Variants in NRXN1 observed in about 807,000 individuals in gnomAD.
NRXN1 encodes the protein neurexin-1.
In NRXN1, 39 loss-of-function variants were observed where a neutral mutation model predicts 150.9. The observed-to-expected ratio is 0.26, with a 90% CI of 0.20 to 0.34. NRXN1 has a LOEUF of 0.34. NRXN1 is among the 10% of genes least tolerant of loss of function. The pLI is 1.00. For missense variants in NRXN1, 1,815 were observed against 1,949.9 expected, an observed-to-expected ratio of 0.93 and a Z score of 1.30; for synonymous variants, 924 against 757.0, an observed-to-expected ratio of 1.22 and a Z score of -3.62.
rs577234971 is a variant in NRXN1, at chr2:50,239,972, C to A, written c.3365-3002G>T. Among the ~76,000 whole-genome samples the A allele has an allele frequency of 1.5e-4, 22 of 151,212 alleles. 1 individual carries two copies. In the South Asian group the frequency reaches 2.7e-3, roughly 19 times the overall value. On this transcript the variant is annotated intron_variant, in intron 17 of 22. Coordinates refer to ENST00000401669, the MANE Select transcript of NRXN1 (RefSeq NM_001330078.2). ...ATTTAGTTGGGGTACACTTCCCAAACCTATGGAACTATGAAAGTTTCTAGC... is the reference window on the plus strand; with the variant it reads ...ATTTAGTTGGGGTACACTTCCCAAAACTATGGAACTATGAAAGTTTCTAGC...
rs934139377 is a variant in NRXN1 at position 50,140,663 on chromosome 2, C to T, written c.3547-49169G>A. ...TTTGTTCGATATTCTGAGCTTTTTT[C>T]TCTCTCTTTTTTTTTTTTAATAGTA... is the stretch of plus-strand genomic sequence containing the variant. On this transcript the variant is annotated intron_variant, in intron 18 of 22. Transcript: ENST00000401669. Among the ~76,000 whole-genome samples, 6 of 146,532 alleles carry T rather than the reference C, an allele frequency of 4.1e-5. No homozygotes were observed. The East Asian group carries it at 6.6e-4, about 16-fold the overall frequency.
intron 17 of NRXN1, among the ~76,000 whole-genome samples, chr2:50,316,713 C>T (rs2075636651): frequency 6.6e-6 from 1 of 151,934 alleles, no homozygotes. Flanking sequence ...AACACATGTT[C>T]TGCTATAAAG....
chr2:50,345,530 G>A (rs1214104611), intron 17 of NRXN1, among the ~76,000 whole-genome samples: 1 of 152,190 alleles, frequency 6.6e-6, no homozygotes, highest in Non-Finnish European at 1.5e-5. Context: ...CTTTCACTCT[G>A]CTTTCTAAAC....
intron 21 of NRXN1, among the ~76,000 whole-genome samples, chr2:50,027,055 T>C (rs1352097945): frequency 6.6e-6 from 1 of 151,706 alleles, no homozygotes; most frequent in African/African-American, 2.4e-5. Context: ...CTAATTTTTT[T>C]GCATTTTTAG....
chr2:50,849,110 C>T (rs1469894164), intron 5 of NRXN1, among the ~76,000 whole-genome samples: 1 of 152,194 alleles, frequency 6.6e-6, no homozygotes, highest in Non-Finnish European at 1.5e-5. Context: ...TGATCACTCT[C>T]TAATTGCCAG....
intron 17 of NRXN1, among the ~76,000 whole-genome samples, chr2:50,428,401 C>T (rs1050857148): frequency 1.3e-5 from 2 of 152,056 alleles, no homozygotes; most frequent in Non-Finnish European, 2.9e-5. Flanking sequence ...GGCGACAGAG[C>T]GAAACCCTGT....
At position 49,922,069 on chromosome 2, in the gene NRXN1, C is replaced by T. The variant is rs200761308; in HGVS notation, c.4399G>A (p.Glu1467Lys). ...GAGTTACTGATGTAGTTTCGACTCT[C>T]GTCCACATGGTATGAGCCTTCATCC... is the stretch of plus-strand genomic sequence containing the variant. ...NRDEGSYHVD[E>K]SRNYISNSAQ... The change falls in exon 23 of 23, where the codon GAG becomes AAG. Residue 1467 changes from glutamate to lysine, a missense_variant. By Grantham distance (56) the Glu-to-Lys change is moderately conservative. Transcript: ENST00000401669. 6.2e-7 allele frequency: 1 copy of T among 1,614,098 alleles called. No homozygotes were observed. Among genetic ancestry groups the T allele is most frequent in the Non-Finnish European group, 8.5e-7 (1 of 1,180,018 alleles).
chr2:50,502,258 T>G (rs1309689643), intron 13 of NRXN1, among the ~76,000 whole-genome samples: 2 of 151,950 alleles, frequency 1.3e-5, no homozygotes, highest in East Asian at 3.9e-4. Flanking sequence ...AGGGAAAAAA[T>G]AAACAATTTA....
At chr2:50,847,727 G>C (rs556857920) in intron 5 of NRXN1, among the ~76,000 whole-genome samples, 1 of 152,184 alleles carries the variant, frequency 6.6e-6, no homozygotes, top group East Asian at 1.9e-4. Context: ...GATGTCCAGG[G>C]AGCACGTCAA....
At position 49,986,336 on chromosome 2, in the gene NRXN1, A is replaced by T. The variant is rs977316777; in HGVS notation, c.4129-42545T>A. Among the ~76,000 whole-genome samples the T allele has an allele frequency of 4.6e-5, 7 of 152,242 alleles. 1 individual carries two copies. The highest frequency in any genetic ancestry group is 7.3e-5 in the Non-Finnish European group (5 of 68,036). On this transcript the variant is annotated intron_variant, in intron 21 of 22. Coordinates refer to ENST00000401669, the MANE Select transcript of NRXN1 (RefSeq NM_001330078.2). ...CTCTATTAGAAATTAAAGGTGATAA[A>T]AGTTAAATATTTAACTGATTTAAAA...
intron 17 of NRXN1, among the ~76,000 whole-genome samples, chr2:50,300,118 C>A (rs1415376894): frequency 6.6e-6 from 1 of 152,042 alleles, no homozygotes; most frequent in African/African-American, 2.4e-5. Flanking sequence ...AATATGAGAG[C>A]AATTTTTCTT....
At chr2:50,273,219 A>C (rs1286299942) in intron 17 of NRXN1, among the ~76,000 whole-genome samples, 1 of 152,178 alleles carries the variant, frequency 6.6e-6, no homozygotes, top group South Asian at 2.1e-4. Flanking sequence ...AAATTTGGCA[A>C]TCTACCAAAA....
At chr2:50,668,820 G>A (rs1332156549) in intron 5 of NRXN1, among the ~76,000 whole-genome samples, 1 of 151,910 alleles carries the variant, frequency 6.6e-6, no homozygotes, top group Non-Finnish European at 1.5e-5. Context: ...AATTTCAGGT[G>A]GGAATTTCAT....
chr2:50,243,314 CAAT>C (rs1371280952), intron 17 of NRXN1, among the ~76,000 whole-genome samples: 1 of 151,042 alleles, frequency 6.6e-6, no homozygotes, highest in Non-Finnish European at 1.5e-5. Flanking sequence ...AAACAAAACA[CAAT>C]AAATAAATTT....
At chr2:50,960,676 G>A (rs571514972) in intron 2 of NRXN1, among the ~76,000 whole-genome samples, 1 of 151,864 alleles carries the variant, frequency 6.6e-6, no homozygotes, top group Non-Finnish European at 1.5e-5. Context: ...ACTTGCAGAA[G>A]CTCTCTGCCA....
intron 5 of NRXN1, among the ~76,000 whole-genome samples, chr2:50,628,417 A>G (rs998213186): frequency 1.3e-5 from 2 of 151,798 alleles, no homozygotes; most frequent in Non-Finnish European, 3.0e-5. Context: ...TTACCTTAAA[A>G]TGCCATAAAT....
chr2:50,914,749 A>G (rs1170023343), intron 5 of NRXN1, among the ~76,000 whole-genome samples: 2 of 151,678 alleles, frequency 1.3e-5, no homozygotes, highest in Non-Finnish European at 2.9e-5. Context: ...AGCAAAAAGG[A>G]AAAAGAAATT....
At chr2:50,390,799 C>G (rs1169154202) in intron 17 of NRXN1, among the ~76,000 whole-genome samples, 1 of 152,066 alleles carries the variant, frequency 6.6e-6, no homozygotes, top group Non-Finnish European at 1.5e-5. Context: ...CAAGAAGGCC[C>G]TCTCCAGATG....
chr2:50,219,964 TA>T (rs2063725947), intron 18 of NRXN1, among the ~76,000 whole-genome samples: 5 of 83,786 alleles, frequency 6.0e-5, no homozygotes, highest in Non-Finnish European at 1.1e-4. Context: ...ATATATATAT[TA>T]TATATATATA....
Sources: allele counts gnomAD v4.1 joint callset (sites outside exome capture counted in the v4.1 genomes callset), GRCh38; gene constraint gnomAD v4.1.1; transcripts MANE v1.5; gene names NCBI Gene and HGNC (gene_info 2026-07-23, HGNC 2026-07-21).